The following KCNH1 variants were observed in gnomAD, a reference collection of about 807,000 sequenced individuals.
KCNH1 encodes the protein potassium voltage-gated channel subfamily H member 1, also known as voltage-gated delayed rectifier potassium channel KCNH1.
In KCNH1, 27 loss-of-function variants were observed where a neutral mutation model predicts 69.2. The observed-to-expected ratio is 0.39, with a 90% CI of 0.29 to 0.54. The LOEUF is 0.54. Ranked by LOEUF, KCNH1 falls within the 20% of genes least tolerant of loss-of-function variation. KCNH1 has a pLI of 0.68. For missense variants in KCNH1, 798 were observed against 1,261.6 expected (o/e 0.63, Z 5.57); for synonymous variants, 456 against 487.7 (o/e 0.93, Z 0.86).
At chr1:211,023,035 C>T (rs1182116784) in intron 5 of KCNH1, among the ~76,000 whole-genome samples, 4 of 151,620 alleles carry the variant, frequency 2.6e-5, no homozygotes, top group Admixed American at 2.0e-4. Flanking sequence ...CACTTGAACC[C>T]GGGAGGCAGA....
At chr1:210,732,499 G>T (rs1380901747) in intron 10 of KCNH1, among the ~76,000 whole-genome samples, 3 of 152,104 alleles carry the variant, frequency 2.0e-5, no homozygotes, top group African/African-American at 4.8e-5. Context: ...CTCATCTATT[G>T]TGTGTTCATG....
intron 1 of KCNH1, among the ~76,000 whole-genome samples, chr1:211,112,671 C>A (rs1004559028): frequency 4.6e-5 from 7 of 151,988 alleles, no homozygotes. Flanking sequence ...CACTACTAAC[C>A]CAAGCAAGCA....
chr1:210,691,229 T>G (rs1223142844), intron 10 of KCNH1, among the ~76,000 whole-genome samples: 2 of 152,044 alleles, frequency 1.3e-5, no homozygotes, highest in African/African-American at 4.8e-5. Context: ...GCGAGGGTGT[T>G]CCAAACAGGG....
chr1:211,101,224 T>C (rs1284192131), intron 3 of KCNH1, among the ~76,000 whole-genome samples: 1 of 152,206 alleles, frequency 6.6e-6, no homozygotes, highest in Non-Finnish European at 1.5e-5. Context: ...ACACTGTGTC[T>C]ATCTCTTCAT....
At chr1:210,949,182 G>C (rs1558537221) in intron 6 of KCNH1, among the ~76,000 whole-genome samples, 1 of 152,174 alleles carries the variant, frequency 6.6e-6, no homozygotes, top group East Asian at 1.9e-4. Flanking sequence ...AGGACTGCCA[G>C]AGTAATTCAA....
chr1:210,831,838 G>A lies in KCNH1; in HGVS notation c.1463-27672C>T, dbSNP rs908346990. 5.9e-5 allele frequency among the ~76,000 whole-genome samples: 9 copies of A among 152,166 alleles called. No homozygotes were observed. In the South Asian group the frequency reaches 1.2e-3, roughly 21 times the overall value. On this transcript the variant is annotated intron_variant, in intron 7 of 10. Transcript: ENST00000271751. ...TCATGAAATTCTTCAAGTACTTAGAGTAATGCTGCTTAATAGAACTTTCTG... is the reference window on the plus strand; with the variant it reads ...TCATGAAATTCTTCAAGTACTTAGAATAATGCTGCTTAATAGAACTTTCTG...
chr1:210,960,979 C>A (rs1176691893), intron 6 of KCNH1, among the ~76,000 whole-genome samples: 1 of 152,112 alleles, frequency 6.6e-6, no homozygotes, highest in Non-Finnish European at 1.5e-5. Flanking sequence ...AGTGTCATTT[C>A]TTGATAACTA....
At chr1:211,059,961 TAAGGA>T (rs1690400775) in intron 5 of KCNH1, among the ~76,000 whole-genome samples, 1 of 152,170 alleles carries the variant, frequency 6.6e-6, no homozygotes, top group Non-Finnish European at 1.5e-5. Flanking sequence ...GAATAATTCT[TAAGGA>T]AAGACCATAA....
Position 211,051,538 on chromosome 1 carries a change from G to A in KCNH1, c.558+31242C>T, listed in dbSNP as rs1044795237. Among the ~76,000 whole-genome samples the A allele has an allele frequency of 3.3e-5, 5 of 152,182 alleles. 1 individual carries two copies. Among genetic ancestry groups the A allele is most frequent in the African/African-American group, 1.2e-4 (5 of 41,460 alleles). On this transcript the variant is annotated intron_variant, in intron 5 of 10. Coordinates refer to ENST00000271751, the MANE Select transcript of KCNH1 (RefSeq NM_172362.3). ...AGCCCAGCCAACAGATGGAGCAAGA[G>A]CTTCCAGGCAAATGGAGGGCATGTT...
At chr1:210,687,193 G>A (rs948942706) in intron 10 of KCNH1, among the ~76,000 whole-genome samples, 38 of 152,242 alleles carry the variant, frequency 2.5e-4, no homozygotes, top group African/African-American at 8.9e-4. Flanking sequence ...CGGATCCCAA[G>A]AGGCTGTACA....
intron 6 of KCNH1, among the ~76,000 whole-genome samples, chr1:210,946,735 C>T (rs962377480): frequency 6.6e-6 from 1 of 152,242 alleles, no homozygotes; most frequent in Non-Finnish European, 1.5e-5. Flanking sequence ...CACACCCGCA[C>T]TCCAGTCACG....
intron 7 of KCNH1, among the ~76,000 whole-genome samples, chr1:210,893,227 A>T (rs903779501): frequency 6.6e-6 from 1 of 152,150 alleles, no homozygotes; most frequent in African/African-American, 2.4e-5. Context: ...CAGATTTTAC[A>T]TGTCTAAGAT....
At chr1:211,115,708 T>TATATATATATATATATATATAA (rs1691563035) in intron 1 of KCNH1, among the ~76,000 whole-genome samples, 1 of 78,190 alleles carries the variant, frequency 1.3e-5, no homozygotes, top group East Asian at 2.7e-4. Context: ...CCCCTATATA[T>TATATATATATATATATATATAA]ATATATATGT....
Position 211,129,397 on chromosome 1 carries a change from C to T in KCNH1, c.79+4470G>A, listed in dbSNP as rs189241592. On this transcript the variant is annotated intron_variant, in intron 1 of 10. Transcript: ENST00000271751. ...AAGGATTCAGTTGACCCACAGTGTT[C>T]CTCAAACACATCTATTCTTTTAAGA... Among the ~76,000 whole-genome samples, 7 of 152,274 alleles carry T rather than the reference C, an allele frequency of 4.6e-5. No individual in the cohort carries two copies. In the East Asian group the frequency reaches 1.3e-3, roughly 29 times the overall value.
chr1:210,748,619 G>A (rs1683216323), intron 10 of KCNH1, among the ~76,000 whole-genome samples: 1 of 152,204 alleles, frequency 6.6e-6, no homozygotes, highest in Non-Finnish European at 1.5e-5. Flanking sequence ...GAGGTGGCAG[G>A]CCGAGATAAA....
At chr1:210,926,016 T>G (rs1050358167) in intron 6 of KCNH1, among the ~76,000 whole-genome samples, 1 of 152,152 alleles carries the variant, frequency 6.6e-6, no homozygotes, top group African/African-American at 2.4e-5. Flanking sequence ...CCCAACACTT[T>G]GGGAGGCCGA....
chr1:210,990,321 C>G (rs965874533), intron 6 of KCNH1, among the ~76,000 whole-genome samples: 1 of 152,172 alleles, frequency 6.6e-6, no homozygotes, highest in Non-Finnish European at 1.5e-5. Context: ...GGAGATAGAT[C>G]CATGGATCCT....
intron 1 of KCNH1, among the ~76,000 whole-genome samples, chr1:211,124,223 A>T (rs1691737834): frequency 6.6e-6 from 1 of 152,234 alleles, no homozygotes. Context: ...TAACCAACTC[A>T]CTGAACTGAA....
chr1:210,696,049 C>G (rs1371320859), intron 10 of KCNH1, among the ~76,000 whole-genome samples: 1 of 152,242 alleles, frequency 6.6e-6, no homozygotes, highest in East Asian at 1.9e-4. Context: ...TGGTCACTCC[C>G]TGCACAAGCT....
Sources: allele counts gnomAD v4.1 joint callset (sites outside exome capture counted in the v4.1 genomes callset), GRCh38; gene constraint gnomAD v4.1.1; transcripts MANE v1.5; gene names NCBI Gene and HGNC (gene_info 2026-07-23, HGNC 2026-07-21).